CNTN1: variants seen among roughly 807,000 people sequenced by gnomAD.
The protein encoded by CNTN1 is contactin 1.
A neutral mutation model predicts 126.4 loss-of-function variants in CNTN1; 38 were observed. That is an observed-to-expected ratio of 0.30 (90% confidence interval 0.23 to 0.39). CNTN1 has a LOEUF of 0.39. Ranked by LOEUF, CNTN1 falls within the 10% of genes least tolerant of loss-of-function variation. The pLI is 1.00. For synonymous variants in CNTN1, 413 were observed against 422.6 expected (o/e 0.98, Z 0.28); for missense variants, 1,009 against 1,248.4 (o/e 0.81, Z 2.89).
chr12:40,755,008 T>C (rs1209153366), intron 1 of CNTN1, among the ~76,000 whole-genome samples: 1 of 151,726 alleles, frequency 6.6e-6, no homozygotes, highest in African/African-American at 2.4e-5. Context: ...CTGGACAACA[T>C]AGTGAGACTC....
At chr12:40,785,792 G>C (rs1939994979) in intron 1 of CNTN1, among the ~76,000 whole-genome samples, 1 of 152,048 alleles carries the variant, frequency 6.6e-6, no homozygotes, top group African/African-American at 2.4e-5. Flanking sequence ...GCTTAGCTTG[G>C]GCTCAGAGGC....
At chr12:40,783,956 T>C (rs1307867339) in intron 1 of CNTN1, among the ~76,000 whole-genome samples, 1 of 152,146 alleles carries the variant, frequency 6.6e-6, no homozygotes, top group African/African-American at 2.4e-5. Context: ...AATTTGTCAA[T>C]TTTATGCTAA....
chr12:41,064,573 G>A (rs755150705), intron 23 of CNTN1, among the ~76,000 whole-genome samples: 3 of 152,198 alleles, frequency 2.0e-5, no homozygotes, highest in Non-Finnish European at 4.4e-5. Flanking sequence ...TTCAAACCGT[G>A]ATAAGCAGAG....
chr12:40,928,711 C>A (rs1214583478), intron 6 of CNTN1, among the ~76,000 whole-genome samples: 1 of 151,920 alleles, frequency 6.6e-6, no homozygotes, highest in Non-Finnish European at 1.5e-5. Context: ...AATATAATGC[C>A]CAGGTTATTA....
At chr12:40,933,099 C>A (rs750349459) in intron 7 of CNTN1, among the ~76,000 whole-genome samples, 1 of 151,660 alleles carries the variant, frequency 6.6e-6, no homozygotes, top group Non-Finnish European at 1.5e-5. Context: ...CTACTCTCTT[C>A]TCCTTCTTCT....
At chr12:40,757,735 C>T (rs139014435) in intron 1 of CNTN1, among the ~76,000 whole-genome samples, 125 of 152,036 alleles carry the variant, frequency 8.2e-4, no homozygotes, top group African/African-American at 2.8e-3. Flanking sequence ...CTTTTAGAAA[C>T]CAGGGTGAGC....
intron 15 of CNTN1, among the ~76,000 whole-genome samples, chr12:40,977,580 T>A (rs79009736): frequency 2.4e-5 from 3 of 126,896 alleles, no homozygotes; most frequent in Admixed American, 2.3e-4. Flanking sequence ...TGTAAACAGA[T>A]CCCTGGAATG....
chr12:40,845,148 C>G (rs1313249937), intron 1 of CNTN1, among the ~76,000 whole-genome samples: 3 of 152,152 alleles, frequency 2.0e-5, no homozygotes, highest in Non-Finnish European at 4.4e-5. Context: ...TGTCAGTTGA[C>G]TTGCTGAAAA....
chr12:40,888,416 A>G (rs1565888676), intron 1 of CNTN1, among the ~76,000 whole-genome samples: 1 of 152,166 alleles, frequency 6.6e-6, no homozygotes, highest in Non-Finnish European at 1.5e-5. Context: ...AAATAAAAAG[A>G]CTTTAGGTAC....
intron 17 of CNTN1, among the ~76,000 whole-genome samples, chr12:40,993,927 C>T (rs1192485326): frequency 6.6e-6 from 1 of 151,912 alleles, no homozygotes; most frequent in African/African-American, 2.4e-5. Flanking sequence ...TCACCATTAC[C>T]CCGTGGAACC....
intron 17 of CNTN1, among the ~76,000 whole-genome samples, chr12:40,997,982 G>A (rs1288816557): frequency 1.3e-5 from 2 of 151,870 alleles, no homozygotes; most frequent in East Asian, 3.9e-4. Context: ...TCCATAGTTG[G>A]TACTCAAAAA....
intron 6 of CNTN1, among the ~76,000 whole-genome samples, chr12:40,927,664 A>G (rs1316851311): frequency 1.3e-5 from 2 of 152,120 alleles, no homozygotes; most frequent in African/African-American, 2.4e-5. Context: ...AAATAAATTT[A>G]GATTAATTAT....
intron 1 of CNTN1, among the ~76,000 whole-genome samples, chr12:40,791,085 C>T (rs1299741422): frequency 3.9e-5 from 6 of 152,108 alleles, no homozygotes; most frequent in Non-Finnish European, 5.9e-5. Flanking sequence ...TTACTTGTTT[C>T]CGTTAGCGTT....
At chr12:41,012,552 A>G (rs1315822124) in intron 17 of CNTN1, among the ~76,000 whole-genome samples, 1 of 152,154 alleles carries the variant, frequency 6.6e-6, no homozygotes, top group Non-Finnish European at 1.5e-5. Flanking sequence ...CCCAGCCAGA[A>G]ATCCTCAGTT....
intron 18 of CNTN1, 139 bp downstream of exon 18, chr12:41,014,437 T>A: frequency 1.2e-6 from 1 of 866,452 alleles, no homozygotes; most frequent in African/African-American, 1.7e-5. Context: ...TTTTTTTTCT[T>A]AAATGCAAAT....
At chr12:40,992,221 C>T (rs1037575452) in intron 16 of CNTN1, among the ~76,000 whole-genome samples, 6 of 152,000 alleles carry the variant, frequency 3.9e-5, no homozygotes, top group African/African-American at 9.7e-5. Context: ...CTGAGCCATG[C>T]GAGAATTTGT....
chr12:40,846,573 T>C (rs531610045), intron 1 of CNTN1, among the ~76,000 whole-genome samples: 1 of 152,238 alleles, frequency 6.6e-6, no homozygotes, highest in Admixed American at 6.5e-5. Flanking sequence ...CAGAGTCAAG[T>C]CTCCACCACA....
intron 12 of CNTN1, among the ~76,000 whole-genome samples, chr12:40,939,981 A>G (rs761435982): frequency 1.3e-5 from 2 of 152,176 alleles, no homozygotes; most frequent in Non-Finnish European, 2.9e-5. Flanking sequence ...TTCCTTATAA[A>G]TGGACCATCT....
chr12:40,965,522 C>T (rs896067266), intron 15 of CNTN1, among the ~76,000 whole-genome samples: 1 of 152,084 alleles, frequency 6.6e-6, no homozygotes, highest in Non-Finnish European at 1.5e-5. Context: ...TCTTTCTGTT[C>T]CTACTATCTG....
Sources: gnomAD v4.1 joint callset for allele counts (sites outside exome capture counted in the v4.1 genomes callset) on GRCh38, gnomAD v4.1.1 for gene constraint, MANE v1.5 for transcripts, NCBI Gene and HGNC (gene_info 2026-07-23, HGNC 2026-07-21) for gene names.